LRP5: variants seen among roughly 807,000 people sequenced by gnomAD.
LRP5 encodes the protein LDL receptor related protein 5, also known as low-density lipoprotein receptor-related protein 5.
A neutral mutation model predicts 154.1 loss-of-function variants in LRP5; 62 were observed. The observed-to-expected ratio is 0.40, with a 90% CI of 0.33 to 0.50. The LOEUF (loss-of-function observed/expected upper bound fraction) is 0.50. LRP5 is among the 20% of genes least tolerant of loss of function. LRP5 has a pLI of 0.55. For missense variants in LRP5, 1,915 were observed against 2,336.7 expected, an observed-to-expected ratio of 0.82 and a Z score of 3.72; for synonymous variants, 966 against 1,011.5, an observed-to-expected ratio of 0.96 and a Z score of 0.85.
At chr11:68,319,300 T>G (rs2098595377) in intron 1 of LRP5, among the ~76,000 whole-genome samples, 1 of 151,982 alleles carries the variant, frequency 6.6e-6, no homozygotes, top group South Asian at 2.1e-4. Context: ...ACTCCTGACC[T>G]CAAGTGATCT....
upstream of LRP5, among the ~76,000 whole-genome samples, chr11:68,311,205 G>A (rs1194488968): frequency 6.6e-6 from 1 of 152,186 alleles, no homozygotes; most frequent in East Asian, 1.9e-4. Flanking sequence ...TTAAATCCTA[G>A]CCTGGCTTCC....
intron 1 of LRP5, 35 bp downstream of exon 1, chr11:68,312,840 T>G (rs932594476): frequency 9.8e-5 from 98 of 1,004,670 alleles, no homozygotes; most frequent in Non-Finnish European, 1.1e-4. Flanking sequence ...GGCCGCGGGT[T>G]GCTCGGACAA....
intron 1 of LRP5, among the ~76,000 whole-genome samples, chr11:68,346,671 C>A (rs1439749383): frequency 6.6e-6 from 1 of 152,172 alleles, no homozygotes; most frequent in Non-Finnish European, 1.5e-5. Context: ...CAGGGGTCTG[C>A]AGTTTTCATG....
rs146792434 is a variant in LRP5, at chr11:68,416,518, C to A, written c.3018C>A (p.Asp1006Glu). The change falls in exon 13 of 23, where the codon GAC (aspartate) becomes GAA (glutamate). Residue 1006 changes from aspartate (D) to glutamate (E), a missense_variant. This residue lies in a region of LRP5 where 1,094 missense variants were observed against 1,210.1 expected (regional missense o/e 0.90). Transcript: ENST00000294304. ...AGAACATCAAGCGAGCCAAGGACGA[C>A]GGGACCCAGGCAGGTGCCCTGTGGG... ...GRQNIKRAKD[D>E]GTQPFVLTSL... 3 of 1,614,096 alleles carry A rather than the reference C, an allele frequency of 1.9e-6. No individual in the cohort carries two copies. The highest frequency in any genetic ancestry group is 2.5e-6 in the Non-Finnish European group (3 of 1,180,030).
the LRP5 span, among the ~76,000 whole-genome samples, chr11:68,305,765 A>G: frequency 5.3e-5 from 8 of 152,186 alleles, no homozygotes; most frequent in Non-Finnish European, 1.2e-4. Context: ...TTATAGTAAT[A>G]CAAGAATGGC....
At chr11:68,425,472 G>A (rs970300800) in intron 15 of LRP5, among the ~76,000 whole-genome samples, 180 bp downstream of exon 15, 1 of 152,234 alleles carries the variant, frequency 6.6e-6, no homozygotes, top group South Asian at 2.1e-4. Context: ...GAGCCCCACA[G>A]GGCAGAGGCA....
upstream of LRP5, among the ~76,000 whole-genome samples, chr11:68,309,241 CT>C (rs1249980448): frequency 7.3e-6 from 1 of 137,490 alleles, no homozygotes. Flanking sequence ...CCTTTTTTTT[CT>C]TTTTTTTAGA....
intron 22 of LRP5, 134 bp from the exon 23 acceptor site, chr11:68,448,675 G>A: frequency 9.2e-7 from 1 of 1,081,764 alleles, no homozygotes; most frequent in Non-Finnish European, 1.4e-6. Context: ...CAGCGGGGTG[G>A]GTCCAGAGTC....
chr11:68,372,312 A>G (rs1487238492), intron 5 of LRP5, among the ~76,000 whole-genome samples: 7 of 100,356 alleles, frequency 7.0e-5, no homozygotes, highest in South Asian at 3.9e-4. Context: ...TGATGAGGAA[A>G]TGCAGTGTCA....
At chr11:68,345,579 G>T (rs940368065) in intron 1 of LRP5, among the ~76,000 whole-genome samples, 2 of 152,242 alleles carry the variant, frequency 1.3e-5, no homozygotes, top group Non-Finnish European at 2.9e-5. Context: ...GAGCCACCAT[G>T]CCTGGCTGCC....
intron 13 of LRP5, among the ~76,000 whole-genome samples, chr11:68,417,351 C>T (rs2098663130): frequency 6.7e-6 from 1 of 148,340 alleles, no homozygotes; most frequent in South Asian, 2.2e-4. Flanking sequence ...TTTTTGCATT[C>T]ACTTAATGTT....
At chr11:68,435,483 G>GGAGAGAGAGAGAGAGA (rs10634157) in intron 18 of LRP5, among the ~76,000 whole-genome samples, 55 of 150,352 alleles carry the variant, frequency 3.7e-4, no homozygotes, top group African/African-American at 1.3e-3. Context: ...AGGGAGCAAC[G>GGAGAGAGAGAGAGAGA]GAGAGAGAGA....
intron 4 of LRP5, 40 bp downstream of exon 4, chr11:68,363,983 C>T: frequency 6.1e-6 from 1 of 165,284 alleles, no homozygotes; most frequent in Non-Finnish European, 1.2e-5. Context: ...GGTGCGGGGG[C>T]TGGGGGGAGC....
chr11:68,298,767 C>A, the LRP5 span, among the ~76,000 whole-genome samples: 7 of 152,154 alleles, frequency 4.6e-5, no homozygotes, highest in Admixed American at 2.6e-4. Context: ...TAAGACCTCC[C>A]ACGCTTGCCC....
chr11:68,392,649 T>C, intron 7 of LRP5, among the ~76,000 whole-genome samples: 1 of 152,182 alleles, frequency 6.6e-6, no homozygotes, highest in East Asian at 1.9e-4. Context: ...CCACCGGCAC[T>C]CACGCCCATT....
intron 10 of LRP5, 98 bp downstream of exon 10, chr11:68,410,238 T>G (rs1178918877): frequency 2.0e-6 from 2 of 987,186 alleles, no homozygotes; most frequent in Non-Finnish European, 3.1e-6. Flanking sequence ...CGTGTGGCCC[T>G]CGGTGATTAG....
intron 5 of LRP5, among the ~76,000 whole-genome samples, chr11:68,380,961 C>T (rs763595689): frequency 6.6e-6 from 1 of 152,204 alleles, no homozygotes; most frequent in African/African-American, 2.4e-5. Flanking sequence ...TGTATGTGAT[C>T]TAATTTGGAA....
intron 7 of LRP5, among the ~76,000 whole-genome samples, chr11:68,403,129 G>A (rs531431744): frequency 1.2e-3 from 190 of 152,100 alleles, no homozygotes; most frequent in Non-Finnish European, 2.1e-3. Flanking sequence ...CCTGTAATCC[G>A]AGCTACTCGG....
At chr11:68,438,101 A>C (rs1165736698) in intron 19 of LRP5, among the ~76,000 whole-genome samples, 1 of 152,158 alleles carries the variant, frequency 6.6e-6, no homozygotes, top group Non-Finnish European at 1.5e-5. Flanking sequence ...CTCGTTCACC[A>C]ACATCACCTG....
Sources: gnomAD v4.1 joint callset for allele counts (sites outside exome capture counted in the v4.1 genomes callset) on GRCh38, gnomAD v4.1.1 for gene constraint, gnomAD v4.1.1 regional missense constraint, MANE v1.5 for transcripts, NCBI Gene and HGNC (gene_info 2026-07-23, HGNC 2026-07-21) for gene names.